The following CCHCR1 variants were observed in gnomAD, a reference collection of about 807,000 sequenced individuals.
CCHCR1 encodes the protein coiled-coil alpha-helical rod protein 1.
In CCHCR1, 91 loss-of-function variants were observed where a neutral mutation model predicts 114.6. The ratio of observed to expected loss-of-function variants is 0.79; its 90% CI spans 0.67 to 0.94. CCHCR1 has a LOEUF of 0.94. Ranked by LOEUF, CCHCR1 falls within the 40% of genes least tolerant of loss-of-function variation. CCHCR1 has a pLI of 0.00. For synonymous variants in CCHCR1, 379 were observed against 428.5 expected (o/e 0.88, Z 1.43); for missense variants, 899 against 1,079.9 (o/e 0.83, Z 2.35).
Position 31,151,104 on chromosome 6 carries a change from C to T in CCHCR1, c.820G>A (p.Ala274Thr). ...HQEQLSSLTQ[A>T]HEEALSSLTS... ...AAACTGGAAAGAGCCTCCTCGTGAG[C>T]CTGTGTCAAAGAGGACAGCTGCGGA... The change falls in exon 5 of 18, where the codon GCT becomes ACT. Residue 274 changes from alanine (A) to threonine (T), a missense_variant. By Grantham distance (58) the Ala-to-Thr change is moderately conservative (BLOSUM62 0). Coordinates refer to ENST00000396268, the MANE Select transcript of CCHCR1 (RefSeq NM_001105564.2). This position sits in a 1 kb window ranked among gnomAD's most constrained non-coding sequence, Gnocchi z 4.1. 6.2e-7 allele frequency: 1 copy of T among 1,612,818 alleles called. No individual in the cohort carries two copies. Among genetic ancestry groups the T allele is most frequent in the South Asian group, 1.1e-5 (1 of 91,062 alleles).
In CCHCR1 at chr6:31,154,476, C is replaced by A; in HGVS notation, c.801+20G>T. On this transcript the variant is annotated intron_variant, in intron 4 of 17. Transcript: ENST00000396268. The surrounding 1 kb of genome is among the most constrained non-coding windows in gnomAD (Gnocchi z 4.1). ...CAGCTCTCCGTTATGAATTTGAATC[C>A]TTTCTACCCCTGCATTCACCTGCTC... 6.3e-7 allele frequency: 1 copy of A among 1,592,702 alleles called. No homozygotes were observed. Among genetic ancestry groups the A allele is most frequent in the Non-Finnish European group, 8.6e-7 (1 of 1,163,628 alleles).
chr6:31,143,203 C>T lies in CCHCR1; in HGVS notation c.2319+59G>A. The T allele has an allele frequency of 6.2e-7, 1 of 1,610,276 alleles. No individual in the cohort carries two copies. On this transcript the variant is annotated intron_variant, in intron 16 of 17. Transcript: ENST00000396268. This position sits in a 1 kb window ranked among gnomAD's most constrained non-coding sequence, Gnocchi z 5.3. ...CACCATCCTCTTTCCACACCTCTAG[C>T]CCAGGAACCAGCCCAGGATGGGCCC...
At chr6:31,157,111 G>C (rs771709342) in intron 1 of CCHCR1, 22 bp from the exon 2 acceptor site, 1 of 1,589,802 alleles carries the variant, frequency 6.3e-7, no homozygotes, top group Non-Finnish European at 8.6e-7. Flanking sequence ...GAGAAACAAA[G>C]ACACTCCAAT....
rs765837979 is a variant in CCHCR1, at chr6:31,144,834, C to G, written c.2066-46G>C. On this transcript the variant is annotated intron_variant, in intron 14 of 17. Coordinates refer to ENST00000396268, the MANE Select transcript of CCHCR1 (RefSeq NM_001105564.2). The surrounding 1 kb of genome is among the most constrained non-coding windows in gnomAD (Gnocchi z 4.6). ...GGGCATATCAGCAGGAGCTTTGATT[C>G]GCAGTTCCCACCCCACCCTCCAAGG... 11 of 1,608,286 alleles carry G rather than the reference C, an allele frequency of 6.8e-6. No homozygotes were observed. In the South Asian group the frequency reaches 1.2e-4, roughly 18 times the overall value.
At position 31,156,982 on chromosome 6, in the gene CCHCR1, G is replaced by T. The variant is rs570395056; in HGVS notation, c.284-38C>A. The T allele has an allele frequency of 1.4e-4, 229 of 1,611,880 alleles. 3 individuals carry two copies. The South Asian group carries it at 2.2e-3, about 15-fold the overall frequency. On this transcript the variant is annotated intron_variant, in intron 2 of 17. Transcript: ENST00000396268. The stretch of plus-strand genomic sequence containing the variant: ...AAAAACAAAGATGGTCAGTTTCCCA[G>T]GCAGAGACAACCACCACTCCCCTTG...
Position 31,143,267 on chromosome 6 carries a change from T to A in CCHCR1, c.2314A>T (p.Met772Leu). ...LQELERDKNL[M>L]LATLQQEGLL... Reference sequence around the variant, plus strand: ...TCTGCCCTCCTGTCTCCTACCAGCATGAGGTTCTTATCCCTCTCTAGCTCC... The same window carrying A: ...TCTGCCCTCCTGTCTCCTACCAGCAAGAGGTTCTTATCCCTCTCTAGCTCC... The change falls in exon 16 of 18, where the codon ATG becomes TTG. Residue 772 changes from methionine to leucine, a missense_variant. Physicochemically the swap from Met to Leu is conservative, Grantham distance 15. Coordinates refer to ENST00000396268, the MANE Select transcript of CCHCR1 (RefSeq NM_001105564.2). This position sits in a 1 kb window ranked among gnomAD's most constrained non-coding sequence, Gnocchi z 5.3. 1 of 1,612,698 alleles carries A rather than the reference T, an allele frequency of 6.2e-7. No homozygotes were observed. Among genetic ancestry groups the A allele is most frequent in the South Asian group, 1.1e-5 (1 of 91,086 alleles).
At position 31,143,848 on chromosome 6, in the gene CCHCR1, T is replaced by C. The variant is rs3131011; in HGVS notation, c.2168-435A>G. 0.84 allele frequency among the ~76,000 whole-genome samples: 127,790 copies of C among 152,188 alleles called. 53,892 individuals are homozygous for C. The highest frequency in any genetic ancestry group is 0.95 in the Middle Eastern group (278 of 294). On this transcript the variant is annotated intron_variant, in intron 15 of 17. Transcript: ENST00000396268. This position sits in a 1 kb window ranked among gnomAD's most constrained non-coding sequence, Gnocchi z 5.3. ...TGCCAAGGCGGGCGGATCACGAGGT[T>C]AGGAGCTCGAGACCATCCTGGCCAA... is the stretch of plus-strand genomic sequence containing the variant.
Position 31,145,227 on chromosome 6 carries a change from A to T in CCHCR1, c.1815T>A (p.Asp605Glu). 6.2e-7 allele frequency: 1 copy of T among 1,613,510 alleles called. No homozygotes were observed. Among genetic ancestry groups the T allele is most frequent in the Non-Finnish European group, 8.5e-7 (1 of 1,180,004 alleles). The change falls in exon 13 of 18, where the codon GAT becomes GAA. Residue 605 changes from aspartate (D) to glutamate (E), a missense_variant. Coordinates refer to ENST00000396268, the MANE Select transcript of CCHCR1 (RefSeq NM_001105564.2). ...GGCGGGCACTCAGCTGCAGTTCTGCATCCAGGCGGTTCCGTTCTTCCCGCA... is the reference window on the plus strand; with the variant it reads ...GGCGGGCACTCAGCTGCAGTTCTGCTTCCAGGCGGTTCCGTTCTTCCCGCA... ...QQLREERNRLDAELQLSARLI... is the reference protein window; with the variant it reads ...QQLREERNRLEAELQLSARLI...
Position 31,154,626 on chromosome 6 carries a change from G to A in CCHCR1, c.671C>T (p.Ala224Val), listed in dbSNP as rs149246433. ...AGCCTCAGCTCGGCCGGCCTTCTCC[G>A]CCCGTGCCAGAGCCTCTAGCTCCAT... ...QAMELEALAR[A>V]EKAGRAEAEG... Residue 224 changes from alanine to valine, a missense_variant, in exon 4 of 18, where the codon GCG becomes GTG. By Grantham distance (64) the Ala-to-Val change is moderately conservative (BLOSUM62 0). Coordinates refer to ENST00000396268, the MANE Select transcript of CCHCR1 (RefSeq NM_001105564.2). This position sits in a 1 kb window ranked among gnomAD's most constrained non-coding sequence, Gnocchi z 4.1. The A allele has an allele frequency of 1.4e-5, 22 of 1,612,624 alleles. No homozygotes were observed. Among genetic ancestry groups the A allele is most frequent in the Non-Finnish European group, 1.8e-5 (21 of 1,180,030 alleles).
At position 31,157,428 on chromosome 6, in the gene CCHCR1, G is replaced by GGTGA; in HGVS notation, c.169_172dup (p.Pro58LeufsTer11). ...ATGGTCCCTGCTGCTCCTGGCCAGAGGTGAGAAAGGAGGTACACAGTGCAG... is the reference window on the plus strand; with the variant it reads ...ATGGTCCCTGCTGCTCCTGGCCAGAGGTGAGTGAGAAAGGAGGTACACAGTGCAG... On this transcript the variant is annotated frameshift_variant, in exon 1 of 18. Coordinates refer to ENST00000396268, the MANE Select transcript of CCHCR1 (RefSeq NM_001105564.2). LOFTEE classifies it high-confidence loss of function. The GGTGA allele has an allele frequency of 6.2e-7, 1 of 1,613,068 alleles. No homozygotes were observed. The highest frequency in any genetic ancestry group is 8.5e-7 in the Non-Finnish European group (1 of 1,180,024).
chr6:31,151,501 C>T lies in CCHCR1; in HGVS notation c.802-379G>A, dbSNP rs1329557161. On this transcript the variant is annotated intron_variant, in intron 4 of 17. Coordinates refer to ENST00000396268, the MANE Select transcript of CCHCR1 (RefSeq NM_001105564.2). This position sits in a 1 kb window ranked among gnomAD's most constrained non-coding sequence, Gnocchi z 4.1. ...CAGGGGACCCGGCCTCTGCCTACCT[C>T]CTGAGCTCACCCTGGAGGCTCTCCC... Among the ~76,000 whole-genome samples, 1 of 152,226 alleles carries T rather than the reference C, an allele frequency of 6.6e-6. No homozygotes were observed. The highest frequency in any genetic ancestry group is 1.9e-4 in the East Asian group (1 of 5,200).
intron 4 of CCHCR1, among the ~76,000 whole-genome samples, chr6:31,152,488 G>A (rs1289046808): frequency 6.9e-6 from 1 of 145,230 alleles, no homozygotes. Context: ...ACAGGCATGA[G>A]CCACCACGCC....
At chr6:31,145,327 A>T in intron 12 of CCHCR1, 25 bp from the exon 13 acceptor site, 2 of 1,613,552 alleles carry the variant, frequency 1.2e-6, no homozygotes, top group Non-Finnish European at 1.7e-6. Flanking sequence ...AGAAAGAGTC[A>T]GAAGAAATCA....
rs540888827 is a variant in CCHCR1 at position 31,155,342 on chromosome 6, T to C, written c.498-543A>G. On this transcript the variant is annotated intron_variant, in intron 3 of 17. Coordinates refer to ENST00000396268, the MANE Select transcript of CCHCR1 (RefSeq NM_001105564.2). ...TTTATTGGCTGGGCGCGGTGGCTCA[T>C]GCCTGTAATCCCAGCACTTTGGGAG... Among the ~76,000 whole-genome samples the C allele has an allele frequency of 3.7e-4, 57 of 152,164 alleles. No homozygotes were observed. In the Middle Eastern group the frequency reaches 0.01, roughly 27 times the overall value.
At position 31,151,115 on chromosome 6, in the gene CCHCR1, G is replaced by A. The variant is rs141122691; in HGVS notation, c.809C>T (p.Ser270Phe). Residue 270 changes from serine to phenylalanine, a missense_variant, in exon 5 of 18, where the codon TCT becomes TTT. Ser to Phe is a radical substitution (Grantham distance 155). Transcript: ENST00000396268. This position sits in a 1 kb window ranked among gnomAD's most constrained non-coding sequence, Gnocchi z 4.1. Reference protein sequence around the residue: ...VQRLHQEQLSSLTQAHEEALS... With the variant: ...VQRLHQEQLSFLTQAHEEALS... The stretch of plus-strand genomic sequence containing the variant: ...AGCCTCCTCGTGAGCCTGTGTCAAA[G>A]AGGACAGCTGCGGAAAGAAGAGGGG... 1.5e-5 allele frequency: 24 copies of A among 1,612,090 alleles called. No individual in the cohort carries two copies. Among genetic ancestry groups the A allele is most frequent in the Non-Finnish European group, 1.8e-5 (21 of 1,179,656 alleles).
At chr6:31,145,849 C>A (rs750652906) in intron 10 of CCHCR1, 41 bp from the exon 11 acceptor site, 15 of 1,259,720 alleles carry the variant, frequency 1.2e-5, no homozygotes, top group Non-Finnish European at 1.5e-5. Flanking sequence ...TGCCTCCCCT[C>A]ATTCCCAAAG....
In CCHCR1 at chr6:31,144,774, C is replaced by T; in HGVS notation, c.2080G>A (p.Val694Met). Residue 694 changes from valine to methionine, a missense_variant, in exon 15 of 18, where the codon GTG (valine) becomes ATG (methionine). Physicochemically the swap from Val to Met is conservative, Grantham distance 21. Transcript: ENST00000396268. The surrounding 1 kb of genome is among the most constrained non-coding windows in gnomAD (Gnocchi z 4.6). ...ELYGQALQEK[V>M]AEVETRLREQ... ...CGCAGCCGAGTTTCCACTTCAGCCACCTTTTCTTGCAGGGCTGGGGTGAAA... is the reference window on the plus strand; with the variant it reads ...CGCAGCCGAGTTTCCACTTCAGCCATCTTTTCTTGCAGGGCTGGGGTGAAA... 6.2e-7 allele frequency: 1 copy of T among 1,614,052 alleles called. No homozygotes were observed. The highest frequency in any genetic ancestry group is 8.5e-7 in the Non-Finnish European group (1 of 1,179,954).
Position 31,154,635 on chromosome 6 carries a change from A to G in CCHCR1, c.662T>C (p.Leu221Pro). The G allele has an allele frequency of 6.2e-7, 1 of 1,612,758 alleles. No individual in the cohort carries two copies. The highest frequency in any genetic ancestry group is 8.5e-7 in the Non-Finnish European group (1 of 1,180,014). The change falls in exon 4 of 18, where the codon CTG becomes CCG. Residue 221 changes from leucine (L) to proline (P), a missense_variant. Coordinates refer to ENST00000396268, the MANE Select transcript of CCHCR1 (RefSeq NM_001105564.2). The surrounding 1 kb of genome is among the most constrained non-coding windows in gnomAD (Gnocchi z 4.1). Reference sequence around the variant, plus strand: ...TCGGCCGGCCTTCTCCGCCCGTGCCAGAGCCTCTAGCTCCATGGCCTGGGC... The same window carrying G: ...TCGGCCGGCCTTCTCCGCCCGTGCCGGAGCCTCTAGCTCCATGGCCTGGGC... The part of the protein sequence containing the change: ...LEAQAMELEA[L>P]ARAEKAGRAE...
At position 31,143,507 on chromosome 6, in the gene CCHCR1, C is replaced by T; in HGVS notation, c.2168-94G>A. 1.4e-6 allele frequency: 2 copies of T among 1,383,246 alleles called. No homozygotes were observed. Among genetic ancestry groups the T allele is most frequent in the African/African-American group, 1.4e-5 (1 of 69,746 alleles). The allele number at this position is 1,383,246 out of a possible 1,614,324, so 85.7% of individuals were successfully genotyped here. On this transcript the variant is annotated intron_variant, in intron 15 of 17. Transcript: ENST00000396268. This position sits in a 1 kb window ranked among gnomAD's most constrained non-coding sequence, Gnocchi z 5.3. ...ACAGGAACAAACGCTGGGTCACCAA[C>T]TCTGTGGCTTGGGGAGGCTGTTCTG...
Sources: gnomAD v4.1 joint callset for allele counts (sites outside exome capture counted in the v4.1 genomes callset) on GRCh38, gnomAD v4.1.1 for gene constraint, Gnocchi (gnomAD v3.1) non-coding constraint, MANE v1.5 for transcripts, NCBI Gene and HGNC (gene_info 2026-07-23, HGNC 2026-07-21) for gene names.